Variants in CELF2 observed in about 807,000 individuals in gnomAD.
CELF2 encodes CUGBP Elav-like family member 2.
A neutral mutation model predicts 62.6 loss-of-function variants in CELF2; 8 were observed. The observed-to-expected ratio is 0.13, with a 90% CI of 0.07 to 0.23. The LOEUF (loss-of-function observed/expected upper bound fraction) is 0.23. CELF2 is among the 10% of genes least tolerant of loss of function. The probability of loss-of-function intolerance (pLI) is 1.00; values close to 1 mark genes in which losing one functional copy is unlikely to be tolerated. For missense variants in CELF2, 333 were observed against 671.0 expected (o/e 0.50, Z 5.56); for synonymous variants, 258 against 250.0 (o/e 1.03, Z -0.30).
the CELF2 span, among the ~76,000 whole-genome samples, chr10:10,600,968 A>T: frequency 6.6e-6 from 1 of 152,180 alleles, no homozygotes; most frequent in East Asian, 1.9e-4. Context: ...CATCATTTGC[A>T]TCCAGAAAGT....
At chr10:11,007,457 A>G (rs1186334780) in intron 1 of CELF2, among the ~76,000 whole-genome samples, 2 of 152,214 alleles carry the variant, frequency 1.3e-5, no homozygotes, top group Non-Finnish European at 2.9e-5. Context: ...TCTAAAGTAG[A>G]GATTTTTCTA....
At chr10:10,495,134 A>C in the CELF2 span, among the ~76,000 whole-genome samples, 1 of 152,044 alleles carries the variant, frequency 6.6e-6, no homozygotes, top group Admixed American at 6.5e-5. Context: ...GCAAAAAATT[A>C]GCCAGGCATG....
chr10:10,605,891 G>C, the CELF2 span, among the ~76,000 whole-genome samples: 3 of 152,234 alleles, frequency 2.0e-5, no homozygotes, highest in Non-Finnish European at 4.4e-5. Flanking sequence ...ATAGGGCCTA[G>C]GAAATTGCTG....
chr10:10,965,393 A>AATTGATCTG (rs2050016527), intron 2 of CELF2, among the ~76,000 whole-genome samples: 2 of 152,160 alleles, frequency 1.3e-5, no homozygotes, highest in South Asian at 4.1e-4. Flanking sequence ...AAACAGCTTT[A>AATTGATCTG]ATTGATCTGT....
intron 1 of CELF2, among the ~76,000 whole-genome samples, chr10:10,832,697 C>T (rs536315554): frequency 4.6e-5 from 7 of 152,310 alleles, no homozygotes; most frequent in East Asian, 1.9e-4. Flanking sequence ...TTTACAGGAC[C>T]TTTTCCCTAG....
At position 11,049,293 on chromosome 10, in the gene CELF2, T is replaced by C. The variant is rs1427436841; in HGVS notation, c.74+31130T>C. Among the ~76,000 whole-genome samples, 4 of 152,068 alleles carry C rather than the reference T, an allele frequency of 2.6e-5. No homozygotes were observed. The East Asian group carries it at 5.8e-4, about 22-fold the overall frequency. ...AGCCTCAAGTGAGAATCTCAGCAAATTGACTTTTAGTAATATTTTAATTAT... is the reference window on the plus strand; with the variant it reads ...AGCCTCAAGTGAGAATCTCAGCAAACTGACTTTTAGTAATATTTTAATTAT... On this transcript the variant is annotated intron_variant, in intron 1 of 12. Transcript: ENST00000633077.
At chr10:11,257,016 G>A (rs1424905649) in intron 4 of CELF2, among the ~76,000 whole-genome samples, 2 of 152,066 alleles carry the variant, frequency 1.3e-5, no homozygotes, top group Admixed American at 1.3e-4. Flanking sequence ...CAGCCGCCCT[G>A]TTCTCCTCTC....
At chr10:11,284,563 G>A (rs1590659627) in intron 8 of CELF2, among the ~76,000 whole-genome samples, 3 of 144,530 alleles carry the variant, frequency 2.1e-5, no homozygotes, top group Admixed American at 1.4e-4. Flanking sequence ...ATGGACGGAG[G>A]GGTGGGTGGA....
At chr10:11,090,247 C>A (rs146085964) in intron 1 of CELF2, among the ~76,000 whole-genome samples, 1 of 150,734 alleles carries the variant, frequency 6.6e-6, no homozygotes, top group East Asian at 1.9e-4. Context: ...GGAAACAAGG[C>A]GGTAGAAGAA....
the CELF2 span, chr10:10,776,584 G>A: frequency 6.3e-5 from 10 of 159,674 alleles, no homozygotes; most frequent in Middle Eastern, 1.2e-3. Context: ...AGCCCAATGC[G>A]TGTGTCAGCC....
At chr10:10,803,579 A>G (rs915761637) in intron 1 of CELF2, among the ~76,000 whole-genome samples, 5 of 152,222 alleles carry the variant, frequency 3.3e-5, no homozygotes, top group African/African-American at 1.2e-4. Flanking sequence ...GCCAAAAGTC[A>G]ACCTCTAGCA....
intron 2 of CELF2, among the ~76,000 whole-genome samples, chr10:10,989,919 A>C (rs1424225846): frequency 6.6e-6 from 1 of 152,184 alleles, no homozygotes; most frequent in African/African-American, 2.4e-5. Flanking sequence ...AAAACAGTGA[A>C]GTAACAGGTC....
the CELF2 span, among the ~76,000 whole-genome samples, chr10:10,720,054 G>A: frequency 6.6e-6 from 1 of 152,148 alleles, no homozygotes; most frequent in Non-Finnish European, 1.5e-5. Context: ...CTATCTTGTG[G>A]ATCCACTTGG....
the CELF2 span, among the ~76,000 whole-genome samples, chr10:10,691,577 A>G: frequency 2.6e-5 from 4 of 152,044 alleles, no homozygotes; most frequent in Non-Finnish European, 2.9e-5. Context: ...CTGAGGAATC[A>G]CCACACTGAC....
chr10:10,911,591 G>C (rs969151590), intron 1 of CELF2, among the ~76,000 whole-genome samples: 1 of 152,240 alleles, frequency 6.6e-6, no homozygotes. Flanking sequence ...TAAGGGATTT[G>C]TGCATGGGAG....
chr10:11,301,534 C>T (rs1378822164), intron 9 of CELF2, among the ~76,000 whole-genome samples: 1 of 124,188 alleles, frequency 8.1e-6, no homozygotes, highest in Non-Finnish European at 1.7e-5. Flanking sequence ...ACCCCGCTCC[C>T]GCTGCCCCCG....
intron 2 of CELF2, among the ~76,000 whole-genome samples, chr10:11,176,753 A>G (rs1478802484): frequency 1.3e-5 from 2 of 152,148 alleles, no homozygotes; most frequent in Non-Finnish European, 2.9e-5. Flanking sequence ...CTTTGTTCAA[A>G]GTTGACAGTG....
intron 2 of CELF2, among the ~76,000 whole-genome samples, chr10:10,958,342 G>A (rs890433800): frequency 6.6e-6 from 1 of 152,160 alleles, no homozygotes; most frequent in African/African-American, 2.4e-5. Flanking sequence ...CATTTTAAAA[G>A]GGGAAAATAG....
At position 11,012,607 on chromosome 10, in the gene CELF2, T is replaced by C. The variant is rs989286523; in HGVS notation, c.53+7167T>C. ...GCAACTGTGTCCTCCCAGCTGTTGC[T>C]GTTCAGCTGTTGTAGTCTGTCAAGC... On this transcript the variant is annotated intron_variant, in intron 1 of 12. Transcript: ENST00000416382. The surrounding 1 kb of genome is among the most constrained non-coding windows in gnomAD (Gnocchi z 5.5). Among the ~76,000 whole-genome samples, 73 of 152,202 alleles carry C rather than the reference T, an allele frequency of 4.8e-4. No homozygotes were observed. Among genetic ancestry groups the C allele is most frequent in the African/African-American group, 1.7e-3 (71 of 41,446 alleles).
Sources: gnomAD v4.1 joint callset for allele counts (sites outside exome capture counted in the v4.1 genomes callset) on GRCh38, gnomAD v4.1.1 for gene constraint, Gnocchi (gnomAD v3.1) non-coding constraint, MANE v1.5 for transcripts, NCBI Gene and HGNC (gene_info 2026-07-23, HGNC 2026-07-21) for gene names.